Variants in FHIT observed in about 807,000 individuals in gnomAD.
FHIT encodes fragile histidine triad diadenosine triphosphatase.
Under a neutral mutation model 17.9 loss-of-function variants are expected in FHIT, and 19 were observed. The observed-to-expected ratio is 1.06, with a 90% confidence interval of 0.74 to 1.56. FHIT has a LOEUF of 1.56. Among genes scored for constraint, FHIT ranks in the 40% most tolerant of loss-of-function variants. The probability of loss-of-function intolerance (pLI) is 0.00; values close to 1 mark genes in which losing one functional copy is unlikely to be tolerated. For synonymous variants in FHIT, 81 were observed against 69.7 expected (o/e 1.16, Z -0.81); for missense variants, 248 against 189.2 (o/e 1.31, Z -1.82).
intron 1 of FHIT, among the ~76,000 whole-genome samples, chr3:61,237,064 C>T (rs1302735433): frequency 6.6e-6 from 1 of 152,192 alleles, no homozygotes; most frequent in Non-Finnish European, 1.5e-5. Context: ...TCTTTGAGAA[C>T]ATGATCTGAC....
chr3:60,769,102 A>G (rs1216185748), intron 4 of FHIT, among the ~76,000 whole-genome samples: 3 of 152,144 alleles, frequency 2.0e-5, no homozygotes, highest in Non-Finnish European at 2.9e-5. Flanking sequence ...ATTTATATGT[A>G]CATATATTAA....
chr3:60,367,233 G>A (rs553398769), intron 5 of FHIT, among the ~76,000 whole-genome samples: 32 of 152,254 alleles, frequency 2.1e-4, no homozygotes, highest in Non-Finnish European at 3.8e-4. Flanking sequence ...AGGTAATAAT[G>A]CTGCCTGGAC....
intron 8 of FHIT, among the ~76,000 whole-genome samples, chr3:59,881,245 C>T (rs2106953676): frequency 6.6e-6 from 1 of 152,258 alleles, no homozygotes; most frequent in African/African-American, 2.4e-5. Flanking sequence ...CTAGAGAGGC[C>T]AGGTTCCAAC....
chr3:61,205,506 T>C (rs1366812208), intron 1 of FHIT, among the ~76,000 whole-genome samples: 6 of 152,184 alleles, frequency 3.9e-5, no homozygotes, highest in African/African-American at 1.2e-4. Context: ...ATTTTAATGA[T>C]TGCCATTCTA....
rs752985087 is a variant in FHIT, at chr3:61,182,253, G to A, written c.-164+18364C>T. ...TAGGATAGAAAACATTGTATTCCAC[G>A]GTTAAAGTATGAAATGCCTACATAA... On this transcript the variant is annotated intron_variant, in intron 2 of 9. Transcript: ENST00000492590. Among the ~76,000 whole-genome samples, 44 of 152,014 alleles carry A rather than the reference G, an allele frequency of 2.9e-4. 1 individual carries two copies. Among genetic ancestry groups the A allele is most frequent in the South Asian group, 6.2e-4 (3 of 4,826 alleles).
rs568404202 is a variant in FHIT, at chr3:60,029,185, T to A, written c.104-15033A>T. ...TACTCTGATAACTTATAGAGGGTTTTTAATGATTAGAGAAAAACGTTAAAG... is the reference window on the plus strand; with the variant it reads ...TACTCTGATAACTTATAGAGGGTTTATAATGATTAGAGAAAAACGTTAAAG... On this transcript the variant is annotated intron_variant, in intron 5 of 9. Coordinates refer to ENST00000492590, the MANE Select transcript of FHIT (RefSeq NM_002012.4). Among the ~76,000 whole-genome samples the A allele has an allele frequency of 4.3e-4, 65 of 152,350 alleles. 1 individual carries two copies. The South Asian group carries it at 0.013, about 30-fold the overall frequency.
chr3:60,398,824 A>T (rs959731212), intron 5 of FHIT, among the ~76,000 whole-genome samples: 2 of 152,170 alleles, frequency 1.3e-5, no homozygotes, highest in South Asian at 4.1e-4. Context: ...GTGGAAAAAA[A>T]ATCTATGTTT....
At chr3:60,208,199 C>T (rs963416554) in intron 5 of FHIT, among the ~76,000 whole-genome samples, 11 of 152,276 alleles carry the variant, frequency 7.2e-5, no homozygotes, top group African/African-American at 2.2e-4. Context: ...ATACTGATGA[C>T]GTGTTAAGCT....
intron 7 of FHIT, among the ~76,000 whole-genome samples, chr3:59,950,399 A>G (rs529868767): frequency 6.6e-6 from 1 of 152,042 alleles, no homozygotes; most frequent in African/African-American, 2.4e-5. Context: ...GCTCCTTCCC[A>G]TCATATCAGG....
At chr3:60,650,709 A>G (rs1313395547) in intron 4 of FHIT, among the ~76,000 whole-genome samples, 2 of 152,230 alleles carry the variant, frequency 1.3e-5, no homozygotes, top group African/African-American at 4.8e-5. Flanking sequence ...GAAAAGGGAA[A>G]AAGTTCAGGG....
intron 5 of FHIT, among the ~76,000 whole-genome samples, chr3:60,273,604 G>A (rs213346): frequency 0.18 from 27,654 of 151,856 alleles, 2,697 homozygotes; most frequent in South Asian, 0.34. Context: ...GCAAGACTCC[G>A]TCGTCTCAAA....
At chr3:60,911,788 T>C (rs953116491) in intron 3 of FHIT, among the ~76,000 whole-genome samples, 14 of 152,080 alleles carry the variant, frequency 9.2e-5, no homozygotes, top group Non-Finnish European at 2.1e-4. Context: ...GTCTGACAAA[T>C]ACCATAGAGA....
At chr3:60,221,070 T>C (rs1320483216) in intron 5 of FHIT, among the ~76,000 whole-genome samples, 1 of 152,158 alleles carries the variant, frequency 6.6e-6, no homozygotes, top group African/African-American at 2.4e-5. Flanking sequence ...CTAAAGCATT[T>C]AGCTAGTCTC....
rs368229920 is a variant in FHIT at position 60,375,837 on chromosome 3, A to G, written c.103+161023T>C. Among the ~76,000 whole-genome samples, 220 of 152,272 alleles carry G rather than the reference A, an allele frequency of 1.4e-3. 1 individual carries two copies. Among genetic ancestry groups the G allele is most frequent in the African/African-American group, 5.0e-3 (206 of 41,568 alleles). Reference sequence around the variant, plus strand: ...GATCCTATAGATGCAATGCTGTCAAACAGAGCTCTCTACAACGATAAAAAT... The same window carrying G: ...GATCCTATAGATGCAATGCTGTCAAGCAGAGCTCTCTACAACGATAAAAAT... On this transcript the variant is annotated intron_variant, in intron 5 of 9. Coordinates refer to ENST00000492590, the MANE Select transcript of FHIT (RefSeq NM_002012.4).
chr3:60,650,313 A>G (rs782697767), intron 4 of FHIT, among the ~76,000 whole-genome samples: 3 of 152,148 alleles, frequency 2.0e-5, no homozygotes, highest in Non-Finnish European at 4.4e-5. Flanking sequence ...GGAATTTGCA[A>G]TGTTGGAGTA....
intron 5 of FHIT, among the ~76,000 whole-genome samples, chr3:60,024,000 AAAG>A (rs199962182): frequency 0.023 from 3,446 of 152,102 alleles, 139 homozygotes; most frequent in African/African-American, 0.079. Flanking sequence ...GTAAAAAAAA[AAAG>A]AATTATGAAT....
chr3:61,064,875 T>G (rs533795794), intron 2 of FHIT, among the ~76,000 whole-genome samples: 1 of 152,166 alleles, frequency 6.6e-6, no homozygotes, highest in African/African-American at 2.4e-5. Flanking sequence ...CTGATATGCA[T>G]GTGCCCAAGT....
At chr3:60,621,144 ATTTT>A (rs11370683) in intron 4 of FHIT, among the ~76,000 whole-genome samples, 6 of 95,082 alleles carry the variant, frequency 6.3e-5, no homozygotes, top group Non-Finnish European at 7.6e-5. Flanking sequence ...TCTACTTTTG[ATTTT>A]TTTTTTTTTT....
chr3:60,715,639 G>A (rs1224027846), intron 4 of FHIT, among the ~76,000 whole-genome samples: 2 of 107,410 alleles, frequency 1.9e-5, no homozygotes, highest in African/African-American at 7.2e-5. Flanking sequence ...GGGGAGGGGG[G>A]AGGGGTAGCC....
Sources: allele counts gnomAD v4.1 joint callset (sites outside exome capture counted in the v4.1 genomes callset), GRCh38; gene constraint gnomAD v4.1.1; transcripts MANE v1.5; gene names NCBI Gene and HGNC (gene_info 2026-07-23, HGNC 2026-07-21).